ARF1: variants seen among roughly 807,000 people sequenced by gnomAD.
ARF1 encodes ARF GTPase 1.
Under a neutral mutation model 18.0 loss-of-function variants are expected in ARF1, and 1 was observed. That is an observed-to-expected ratio of 0.06 (90% CI 0.02 to 0.26). The LOEUF is 0.26. Among genes scored for constraint, ARF1 ranks in the 10% least tolerant of loss-of-function variants. The pLI, the probability that ARF1 is intolerant of heterozygous loss-of-function variation, is 1.00. For synonymous variants in ARF1, 112 were observed against 96.3 expected, an observed-to-expected ratio of 1.16 and a Z score of -0.95; for missense variants, 73 against 247.2, an observed-to-expected ratio of 0.30 and a Z score of 4.73.
At chr1:228,095,210 T>G (rs1163837652) in intron 1 of ARF1, among the ~76,000 whole-genome samples, 3 of 151,890 alleles carry the variant, frequency 2.0e-5, no homozygotes, top group Non-Finnish European at 4.4e-5. Flanking sequence ...GGTTGCCTCC[T>G]TGCAGATTCC....
rs546725771 is a variant in ARF1, at chr1:228,091,549, G to C, written c.-37-5529G>C. On this transcript the variant is annotated intron_variant, in intron 1 of 4. Transcript: ENST00000272102. ...TCCTTTTGTCTCAATCTGCATGATT[G>C]CAAGTCTCTTCAACATGATTGGGTG... is the stretch of plus-strand genomic sequence containing the variant. Among the ~76,000 whole-genome samples the C allele has an allele frequency of 5.9e-5, 9 of 152,290 alleles. No individual in the cohort carries two copies. In the East Asian group the frequency reaches 1.4e-3, roughly 23 times the overall value.
intron 1 of ARF1, among the ~76,000 whole-genome samples, chr1:228,087,432 A>C (rs1401267242): frequency 6.6e-6 from 1 of 152,334 alleles, no homozygotes; most frequent in East Asian, 1.9e-4. Context: ...TTAAAATACT[A>C]TGAATACATC....
At chr1:228,096,557 G>A (rs41304008) in intron 1 of ARF1, 3,806 of 152,906 alleles carry the variant, frequency 0.025, 80 homozygotes, top group Middle Eastern at 0.034. Context: ...TCTGCTGAGG[G>A]AACCCCTACC....
chr1:228,092,823 A>G (rs946308144), intron 1 of ARF1, among the ~76,000 whole-genome samples: 1 of 152,166 alleles, frequency 6.6e-6, no homozygotes, highest in African/African-American at 2.4e-5. Context: ...GGTTGGATCC[A>G]TTCATGGACA....
intron 1 of ARF1, among the ~76,000 whole-genome samples, chr1:228,092,794 T>C (rs1292292750): frequency 1.3e-5 from 2 of 152,186 alleles, no homozygotes; most frequent in Non-Finnish European, 2.9e-5. Context: ...CTGGACCCCA[T>C]GTGCATCTGG....
chr1:228,092,270 G>A (rs2032601612), intron 1 of ARF1, among the ~76,000 whole-genome samples: 1 of 152,166 alleles, frequency 6.6e-6, no homozygotes, highest in South Asian at 2.1e-4. Context: ...GCAGGATAGC[G>A]AGACCCTGTC....
intron 1 of ARF1, among the ~76,000 whole-genome samples, chr1:228,087,953 G>A (rs1021870029): frequency 1.3e-5 from 2 of 152,192 alleles, no homozygotes. Context: ...TGATCTTCAT[G>A]AGCCCTATGG....
In ARF1 at chr1:228,098,058, C is replaced by T. The variant is rs1281344338; in HGVS notation, c.*45C>T. 3 of 1,562,652 alleles carry T rather than the reference C, an allele frequency of 1.9e-6. No homozygotes were observed. The highest frequency in any genetic ancestry group is 1.7e-6 in the Non-Finnish European group (2 of 1,150,638). ...CACTCCTCTTGCCCTCTGCTTTACT[C>T]TCATGTGGCAAACGTGCGGCTCGTG... On this transcript the variant is annotated 3_prime_UTR_variant, in exon 5 of 5. Transcript: ENST00000272102.
At chr1:228,096,584 G>A (rs1462764836) in intron 1 of ARF1, 1 of 153,356 alleles carries the variant, frequency 6.5e-6, no homozygotes, top group East Asian at 1.9e-4. Flanking sequence ...GTGTGGGGCA[G>A]ACATGGCGGG....
At chr1:228,087,369 C>T (rs1345474977) in intron 1 of ARF1, among the ~76,000 whole-genome samples, 1 of 152,224 alleles carries the variant, frequency 6.6e-6, no homozygotes, top group African/African-American at 2.4e-5. Flanking sequence ...TTTGTACCTT[C>T]TGTAGATGGG....
At position 228,086,164 on chromosome 1, in the gene ARF1, G is replaced by A. The variant is rs567589483; in HGVS notation, c.-38+3399G>A. Among the ~76,000 whole-genome samples the A allele has an allele frequency of 7.2e-4, 110 of 152,238 alleles. 1 individual carries two copies. Among genetic ancestry groups the A allele is most frequent in the Non-Finnish European group, 1.3e-3 (91 of 68,022 alleles). ...AGTAGTTAACAGCATCTACAGCCCCGTGTTTCCACATTTGTACAAAGGAAT... is the reference window on the plus strand; with the variant it reads ...AGTAGTTAACAGCATCTACAGCCCCATGTTTCCACATTTGTACAAAGGAAT... On this transcript the variant is annotated intron_variant, in intron 1 of 4. Transcript: ENST00000272102.
chr1:228,098,053 T>G lies in ARF1; in HGVS notation c.*40T>G. 1 of 1,575,178 alleles carries G rather than the reference T, an allele frequency of 6.3e-7. No homozygotes were observed. The highest frequency in any genetic ancestry group is 1.8e-5 in the Admixed American group (1 of 56,452). On this transcript the variant is annotated 3_prime_UTR_variant, in exon 5 of 5. Transcript: ENST00000272102. Reference sequence around the variant, plus strand: ...CCTCTCACTCCTCTTGCCCTCTGCTTTACTCTCATGTGGCAAACGTGCGGC... The same window carrying G: ...CCTCTCACTCCTCTTGCCCTCTGCTGTACTCTCATGTGGCAAACGTGCGGC...
At chr1:228,095,184 T>C (rs1317363146) in intron 1 of ARF1, among the ~76,000 whole-genome samples, 2 of 152,074 alleles carry the variant, frequency 1.3e-5, no homozygotes, top group East Asian at 3.9e-4. Flanking sequence ...GTATTCTGTC[T>C]TCAGTCTCCT....
Position 228,098,105 on chromosome 1 carries a change from T to C in ARF1, c.*92T>C. On this transcript the variant is annotated 3_prime_UTR_variant, in exon 5 of 5. Coordinates refer to ENST00000272102, the MANE Select transcript of ARF1 (RefSeq NM_001658.4). ...CGTGGTGTGAGTGCCAGAAGCTGCCTCCGTGGTTTGGTCACCGTGTGCATC... is the reference window on the plus strand; with the variant it reads ...CGTGGTGTGAGTGCCAGAAGCTGCCCCCGTGGTTTGGTCACCGTGTGCATC... 6.7e-7 allele frequency: 1 copy of C among 1,488,040 alleles called. No homozygotes were observed. Among genetic ancestry groups the C allele is most frequent in the Non-Finnish European group, 9.0e-7 (1 of 1,105,150 alleles). The allele number at this position is 1,488,040 out of a possible 1,614,324, so 92.2% of individuals were successfully genotyped here.
At position 228,082,719 on chromosome 1, in the gene ARF1, C is replaced by T. The variant is rs1223108144; in HGVS notation, c.-84C>T. The T allele has an allele frequency of 1.3e-5, 2 of 151,850 alleles. No individual in the cohort carries two copies. Among genetic ancestry groups the T allele is most frequent in the Non-Finnish European group, 2.9e-5 (2 of 67,954 alleles). The allele number at this position is 151,850 out of a possible 1,614,324, so 9.4% of individuals were successfully genotyped here. Reference sequence around the variant, plus strand: ...ACGTGGCCGCCGTCAGAGCCGCCATCTTGTGGGAGCAAAACCAACGCCTGG... The same window carrying T: ...ACGTGGCCGCCGTCAGAGCCGCCATTTTGTGGGAGCAAAACCAACGCCTGG... On this transcript the variant is annotated 5_prime_UTR_variant, in exon 1 of 5. Coordinates refer to ENST00000272102, the MANE Select transcript of ARF1 (RefSeq NM_001658.4). The surrounding 1 kb of genome is among the most constrained non-coding windows in gnomAD (Gnocchi z 6.1).
At position 228,082,894 on chromosome 1, in the gene ARF1, G is replaced by A. The variant is rs1338182637; in HGVS notation, c.-38+129G>A. On this transcript the variant is annotated intron_variant, in intron 1 of 4. Transcript: ENST00000272102. The surrounding 1 kb of genome is among the most constrained non-coding windows in gnomAD (Gnocchi z 6.1). Reference sequence around the variant, plus strand: ...GACCCCCGCGGCGGCGGCGGCGACAGGGCCGGGCCGGGGGCGGACGCAGAC... The same window carrying A: ...GACCCCCGCGGCGGCGGCGGCGACAAGGCCGGGCCGGGGGCGGACGCAGAC... The A allele has an allele frequency of 6.5e-6, 1 of 152,866 alleles. No individual in the cohort carries two copies. The highest frequency in any genetic ancestry group is 1.5e-5 in the Non-Finnish European group (1 of 68,480). 9.5% of individuals were successfully genotyped at this position (152,866 alleles called of 1,614,324 possible).
chr1:228,093,554 C>G (rs1166326484), intron 1 of ARF1, among the ~76,000 whole-genome samples: 1 of 151,818 alleles, frequency 6.6e-6, no homozygotes, highest in Non-Finnish European at 1.5e-5. Flanking sequence ...TCAGGTTCAC[C>G]CATCCTGGTT....
chr1:228,086,660 G>A (rs1020425079), intron 1 of ARF1, among the ~76,000 whole-genome samples: 1 of 152,242 alleles, frequency 6.6e-6, no homozygotes, highest in Non-Finnish European at 1.5e-5. Context: ...AGGAGGGAAA[G>A]GTAGCGCCGT....
At position 228,082,994 on chromosome 1, in the gene ARF1, C is replaced by T. The variant is rs1179150842; in HGVS notation, c.-38+229C>T. On this transcript the variant is annotated intron_variant, in intron 1 of 4. Coordinates refer to ENST00000272102, the MANE Select transcript of ARF1 (RefSeq NM_001658.4). This position sits in a 1 kb window ranked among gnomAD's most constrained non-coding sequence, Gnocchi z 6.1. ...GCGGGTCGGTGAGCTCCTCGCACCC[C>T]TCACAGGTTCCCGAAGTCGCTCGCG... is the stretch of plus-strand genomic sequence containing the variant. The T allele has an allele frequency of 1.3e-5, 2 of 152,342 alleles. No individual in the cohort carries two copies. Among genetic ancestry groups the T allele is most frequent in the African/African-American group, 4.8e-5 (2 of 41,436 alleles). 9.4% of individuals were successfully genotyped at this position (152,342 alleles called of 1,614,324 possible).
Sources: gnomAD v4.1 joint callset for allele counts (sites outside exome capture counted in the v4.1 genomes callset) on GRCh38, gnomAD v4.1.1 for gene constraint, Gnocchi (gnomAD v3.1) non-coding constraint, MANE v1.5 for transcripts, NCBI Gene and HGNC (gene_info 2026-07-23, HGNC 2026-07-21) for gene names.